The following PTPRN2 variants were observed in gnomAD, a reference collection of about 807,000 sequenced individuals.
PTPRN2 encodes receptor-type tyrosine-protein phosphatase N2.
A neutral mutation model predicts 118.8 loss-of-function variants in PTPRN2; 74 were observed. That is an observed-to-expected ratio of 0.62 (90% CI 0.52 to 0.76). The LOEUF is 0.76. PTPRN2 is among the 30% of genes least tolerant of loss of function. The probability of loss-of-function intolerance (pLI) is 0.00; values close to 1 mark genes in which losing one functional copy is unlikely to be tolerated. For missense variants in PTPRN2, 1,481 were observed against 1,394.4 expected, an observed-to-expected ratio of 1.06 and a Z score of -0.99; for synonymous variants, 641 against 608.0, an observed-to-expected ratio of 1.05 and a Z score of -0.80.
intron 11 of PTPRN2, among the ~76,000 whole-genome samples, chr7:158,010,688 A>T (rs1452947407): frequency 6.6e-6 from 1 of 152,270 alleles, no homozygotes; most frequent in Non-Finnish European, 1.5e-5. Flanking sequence ...ACTTAAACTT[A>T]CCCACATAAC....
chr7:157,694,610 T>C (rs1797679081), intron 12 of PTPRN2, among the ~76,000 whole-genome samples: 3 of 152,366 alleles, frequency 2.0e-5, no homozygotes, highest in African/African-American at 2.4e-5. Context: ...AGATTTCCAT[T>C]CTATTTTTCT....
intron 12 of PTPRN2, among the ~76,000 whole-genome samples, chr7:157,891,300 A>G (rs1796785451): frequency 6.6e-6 from 1 of 152,142 alleles, no homozygotes; most frequent in South Asian, 2.1e-4. Flanking sequence ...CAGACAGGAA[A>G]TGACAGGGTG....
At chr7:158,039,718 TCAA>T (rs1808320406) in intron 11 of PTPRN2, among the ~76,000 whole-genome samples, 1 of 151,972 alleles carries the variant, frequency 6.6e-6, no homozygotes, top group Non-Finnish European at 1.5e-5. Context: ...TATCTAGGTT[TCAA>T]CAAAAAAATT....
chr7:158,182,869 T>C (rs576115717), intron 5 of PTPRN2, among the ~76,000 whole-genome samples: 1 of 152,358 alleles, frequency 6.6e-6, no homozygotes, highest in East Asian at 1.9e-4. Flanking sequence ...CAATGATCTG[T>C]CCTGTACTGT....
intron 2 of PTPRN2, among the ~76,000 whole-genome samples, chr7:158,336,591 A>T: frequency 7.1e-6 from 1 of 141,636 alleles, no homozygotes; most frequent in Non-Finnish European, 1.5e-5. Context: ...TGCAGACGTC[A>T]TTCACACCCA....
chr7:158,372,336 A>C (rs112710480), intron 2 of PTPRN2, among the ~76,000 whole-genome samples: 1 of 142,624 alleles, frequency 7.0e-6, no homozygotes, highest in Non-Finnish European at 1.5e-5. Flanking sequence ...GGTCCCCCCA[A>C]CGCTGGTCCC....
rs2150568891 is a variant in PTPRN2, at chr7:157,596,975, A to G, written c.2419-1660T>C. On this transcript the variant is annotated intron_variant, in intron 16 of 22. Coordinates refer to ENST00000389418, the MANE Select transcript of PTPRN2 (RefSeq NM_002847.5). This position sits in a 1 kb window ranked among gnomAD's most constrained non-coding sequence, Gnocchi z 4.2. ...CCGGTGCTACCTTAAGTGCTGCTGCATTTGGGAAGCTGACGTGGGGCACGT... is the reference window on the plus strand; with the variant it reads ...CCGGTGCTACCTTAAGTGCTGCTGCGTTTGGGAAGCTGACGTGGGGCACGT... Among the ~76,000 whole-genome samples the G allele has an allele frequency of 6.6e-6, 1 of 152,340 alleles. No homozygotes were observed. The highest frequency in any genetic ancestry group is 1.9e-4 in the East Asian group (1 of 5,186).
chr7:157,868,121 C>T lies in PTPRN2; in HGVS notation c.1788+30552G>A, dbSNP rs971817302. Among the ~76,000 whole-genome samples the T allele has an allele frequency of 2.0e-5, 3 of 152,322 alleles. No individual in the cohort carries two copies. The highest frequency in any genetic ancestry group is 1.9e-4 in the East Asian group (1 of 5,182). On this transcript the variant is annotated intron_variant, in intron 12 of 22. Transcript: ENST00000389418. The surrounding 1 kb of genome is among the most constrained non-coding windows in gnomAD (Gnocchi z 5.2). ...CTTAGAAAGGGCCCGAAACAGTTCA[C>T]GAGTGGGGTGTGGGCTGTGGGTCCA... is the stretch of plus-strand genomic sequence containing the variant.
At chr7:158,165,720 A>G (rs1405782045) in intron 6 of PTPRN2, among the ~76,000 whole-genome samples, 1 of 152,250 alleles carries the variant, frequency 6.6e-6, no homozygotes, top group African/African-American at 2.4e-5. Flanking sequence ...GTCATGTTTT[A>G]TCAGAACCCA....
At chr7:158,001,253 G>T (rs1805234975) in intron 11 of PTPRN2, among the ~76,000 whole-genome samples, 1 of 151,828 alleles carries the variant, frequency 6.6e-6, no homozygotes, top group Non-Finnish European at 1.5e-5. Context: ...TGGGGTACAG[G>T]GTGGGGCTGA....
chr7:157,863,827 A>C (rs1810422374), intron 12 of PTPRN2: 1 of 152,254 alleles, frequency 6.6e-6, no homozygotes, highest in Non-Finnish European at 1.5e-5. Flanking sequence ...CCTGAAGATG[A>C]AGATGGCATC....
At chr7:158,485,262 C>G (rs1218978911) in intron 2 of PTPRN2, among the ~76,000 whole-genome samples, 1 of 152,118 alleles carries the variant, frequency 6.6e-6, no homozygotes, top group Admixed American at 6.5e-5. Flanking sequence ...TCTTGCCCTC[C>G]TGGACGTCCG....
chr7:158,489,806 G>C (rs947333077), intron 1 of PTPRN2, 21 bp from the exon 2 acceptor site: 3 of 1,561,754 alleles, frequency 1.9e-6, no homozygotes, highest in Admixed American at 1.9e-5. Flanking sequence ...ACAGAGAAGA[G>C]ACGCGGTCAG....
intron 2 of PTPRN2, among the ~76,000 whole-genome samples, chr7:158,383,796 G>A (rs1453096): frequency 0.8 from 122,482 of 152,158 alleles, 51,191 homozygotes; most frequent in East Asian, 0.93. Flanking sequence ...ATATGTCTCA[G>A]AGAGGCACAC....
intron 15 of PTPRN2, among the ~76,000 whole-genome samples, chr7:157,620,140 T>C (rs10253773): frequency 0.08 from 12,128 of 152,242 alleles, 705 homozygotes; most frequent in African/African-American, 0.16. Flanking sequence ...TGTGAGTATC[T>C]ACTTCCCCCT....
At chr7:157,642,332 G>A (rs1804722628) in intron 14 of PTPRN2, among the ~76,000 whole-genome samples, 1 of 152,220 alleles carries the variant, frequency 6.6e-6, no homozygotes, top group Admixed American at 6.5e-5. Context: ...TGAACTGCTT[G>A]TGGAATTTCA....
At chr7:157,548,222 C>G (rs1401818177) in intron 22 of PTPRN2, among the ~76,000 whole-genome samples, 1 of 150,644 alleles carries the variant, frequency 6.6e-6, no homozygotes, top group Non-Finnish European at 1.5e-5. Flanking sequence ...TCTCAGAAAG[C>G]AACAACAACA....
At chr7:157,650,353 A>G (rs1805569752) in intron 14 of PTPRN2, among the ~76,000 whole-genome samples, 1 of 152,208 alleles carries the variant, frequency 6.6e-6, no homozygotes. Flanking sequence ...GGCCTTGCCT[A>G]TGCCACGCAG....
intron 12 of PTPRN2, chr7:157,864,775 T>A (rs1010449564): frequency 6.6e-6 from 1 of 152,226 alleles, no homozygotes; most frequent in African/African-American, 2.4e-5. Flanking sequence ...CAGGACAAAG[T>A]GCTTGTCTGA....
Sources: gnomAD v4.1 joint callset for allele counts (sites outside exome capture counted in the v4.1 genomes callset) on GRCh38, gnomAD v4.1.1 for gene constraint, Gnocchi (gnomAD v3.1) non-coding constraint, MANE v1.5 for transcripts, NCBI Gene and HGNC (gene_info 2026-07-23, HGNC 2026-07-21) for gene names.